Variants in ECT2L observed in about 807,000 individuals in gnomAD.
The protein encoded by ECT2L is epithelial cell transforming 2 like, also known as epithelial cell-transforming sequence 2 oncogene-like.
In ECT2L, 126 loss-of-function variants were observed where a neutral mutation model predicts 122.8. The observed-to-expected ratio is 1.03, with a 90% CI of 0.89 to 1.19. ECT2L has a LOEUF of 1.19. Ranked by LOEUF, ECT2L falls within the 50% of genes most tolerant of loss-of-function variation. The pLI is 0.00. For missense variants in ECT2L, 1,012 were observed against 1,064.1 expected (o/e 0.95, Z 0.68); for synonymous variants, 385 against 381.8 (o/e 1.01, Z -0.10).
chr6:138,811,597 G>T (rs796568005), intron 1 of ECT2L, among the ~76,000 whole-genome samples: 3 of 152,352 alleles, frequency 2.0e-5, no homozygotes, highest in African/African-American at 7.2e-5. Context: ...TGTAATCCCA[G>T]TGTTTAGGGA....
chr6:138,797,105 G>C (rs1361255233), intron 1 of ECT2L, among the ~76,000 whole-genome samples: 1 of 152,088 alleles, frequency 6.6e-6, no homozygotes, highest in East Asian at 1.9e-4. Context: ...AAGATCAATA[G>C]CCCAGGTTTC....
intron 20 of ECT2L, among the ~76,000 whole-genome samples, chr6:138,899,115 A>C (rs1779310428): frequency 6.6e-6 from 1 of 152,102 alleles, no homozygotes; most frequent in Admixed American, 6.6e-5. Context: ...TTTCTATGTA[A>C]GAAATCGTTT....
rs144757416 is a variant in ECT2L at position 138,845,433 on chromosome 6, A to G, written c.764+853A>G. Among the ~76,000 whole-genome samples the G allele has an allele frequency of 8.6e-3, 1,302 of 152,100 alleles. 22 individuals carry two copies. Among genetic ancestry groups the G allele is most frequent in the African/African-American group, 0.03 (1,235 of 41,502 alleles). On this transcript the variant is annotated intron_variant, in intron 7 of 21. Transcript: ENST00000541398. Reference sequence around the variant, plus strand: ...AATTTTTGTATTTTGTAGTAGAGACAGGGTTTCACCGTATTGGCCAGGCTG... The same window carrying G: ...AATTTTTGTATTTTGTAGTAGAGACGGGGTTTCACCGTATTGGCCAGGCTG...
At chr6:138,873,563 G>A (rs1778327363) in intron 13 of ECT2L, among the ~76,000 whole-genome samples, 1 of 152,354 alleles carries the variant, frequency 6.6e-6, no homozygotes, top group East Asian at 1.9e-4. Flanking sequence ...GGAGGCCGAG[G>A]TGGGTGGATC....
At chr6:138,820,714 T>A (rs1776240194) in intron 4 of ECT2L, among the ~76,000 whole-genome samples, 1 of 152,188 alleles carries the variant, frequency 6.6e-6, no homozygotes, top group African/African-American at 2.4e-5. Context: ...GCCTTCAGAC[T>A]CTCATGCATA....
Position 138,854,757 on chromosome 6 carries a change from T to C in ECT2L, c.1198+603T>C, listed in dbSNP as rs9376380. ...GGTGCTTTGTAAAGATGAGTATGGC[T>C]AATGATGACTGAGGTTGCTGATATC... On this transcript the variant is annotated intron_variant, in intron 10 of 21. Coordinates refer to ENST00000541398, the MANE Select transcript of ECT2L (RefSeq NM_001077706.3). 1.3e-4 allele frequency among the ~76,000 whole-genome samples: 20 copies of C among 152,360 alleles called. No homozygotes were observed. The East Asian group carries it at 3.7e-3, about 28-fold the overall frequency.
rs987625385 is a variant in ECT2L at position 138,849,386 on chromosome 6, A to G, written c.1021A>G (p.Ile341Val). 11 of 1,613,900 alleles carry G rather than the reference A, an allele frequency of 6.8e-6. No individual in the cohort carries two copies. The Admixed American group carries it at 1.0e-4, about 15-fold the overall frequency. ...KALDGQKAQSIGIFSDGDSRE... is the reference protein window; with the variant it reads ...KALDGQKAQSVGIFSDGDSRE... Reference sequence around the variant, plus strand: ...TCTGGATGGGCAGAAGGCACAGAGCATCGGAATATTTAGCGATGGAGACAG... The same window carrying G: ...TCTGGATGGGCAGAAGGCACAGAGCGTCGGAATATTTAGCGATGGAGACAG... Residue 341 changes from isoleucine (I) to valine (V), a missense_variant, in exon 9 of 22, where the codon ATC becomes GTC. Ile to Val is a conservative substitution (Grantham distance 29). Transcript: ENST00000541398.
intron 4 of ECT2L, among the ~76,000 whole-genome samples, chr6:138,815,994 C>T (rs1442337006): frequency 6.6e-6 from 1 of 152,222 alleles, no homozygotes; most frequent in Non-Finnish European, 1.5e-5. Context: ...AGGAGACAGG[C>T]ATCTTCCTGG....
At chr6:138,886,826 AG>A in intron 18 of ECT2L, 30 bp from the exon 19 acceptor site, 16 of 1,504,346 alleles carry the variant, frequency 1.1e-5, no homozygotes, top group Non-Finnish European at 1.5e-5. Context: ...TCACAATTTT[AG>A]TTTGCCTAAA....
At chr6:138,854,236 G>C in intron 10 of ECT2L, 82 bp downstream of exon 10, 11 of 1,424,848 alleles carry the variant, frequency 7.7e-6, no homozygotes, top group Non-Finnish European at 1.0e-5. Flanking sequence ...GTGCCCCTGG[G>C]TCAAATGATT....
chr6:138,807,636 T>A (rs1562450206), intron 1 of ECT2L, among the ~76,000 whole-genome samples: 1 of 152,226 alleles, frequency 6.6e-6, no homozygotes, highest in Non-Finnish European at 1.5e-5. Flanking sequence ...ATACCAATTT[T>A]TTTTGTTATT....
chr6:138,900,230 T>C (rs1282841178), intron 20 of ECT2L, among the ~76,000 whole-genome samples: 1 of 152,158 alleles, frequency 6.6e-6, no homozygotes, highest in Non-Finnish European at 1.5e-5. Flanking sequence ...ATTCTTGTGT[T>C]TCTCTCTACC....
intron 20 of ECT2L, among the ~76,000 whole-genome samples, chr6:138,892,794 G>A (rs1779076136): frequency 6.6e-6 from 1 of 152,158 alleles, no homozygotes; most frequent in Non-Finnish European, 1.5e-5. Context: ...TGCCCAGCCA[G>A]CACCGCTTAT....
intron 20 of ECT2L, among the ~76,000 whole-genome samples, chr6:138,893,408 T>C (rs573334468): frequency 1.7e-3 from 245 of 144,526 alleles, no homozygotes; most frequent in African/African-American, 5.9e-3. Flanking sequence ...TAAGAATATA[T>C]ATATATTTTT....
In ECT2L at chr6:138,851,219, C is replaced by T. The variant is rs371541005; in HGVS notation, c.1069+1785C>T. 1.4e-4 allele frequency among the ~76,000 whole-genome samples: 22 copies of T among 151,952 alleles called. 1 individual carries two copies. The highest frequency in any genetic ancestry group is 4.3e-4 in the African/African-American group (18 of 41,458). ...GGTTTTTTTCTTGGAGACAGAGCCT[C>T]GCTCTGTTTCCTAAGGTGAAATGCA... On this transcript the variant is annotated intron_variant, in intron 9 of 21. Coordinates refer to ENST00000541398, the MANE Select transcript of ECT2L (RefSeq NM_001077706.3).
intron 4 of ECT2L, among the ~76,000 whole-genome samples, chr6:138,832,429 A>T (rs1414849383): frequency 3.3e-5 from 5 of 152,128 alleles, no homozygotes; most frequent in Non-Finnish European, 7.4e-5. Context: ...GATGGTTCAC[A>T]TATGTATCTT....
At chr6:138,844,679 C>A in intron 7 of ECT2L, 99 bp downstream of exon 7, 1 of 1,139,624 alleles carries the variant, frequency 8.8e-7, no homozygotes, top group Non-Finnish European at 1.3e-6. Flanking sequence ...TTGTGTAATT[C>A]TGTGGCTCAT....
intron 4 of ECT2L, among the ~76,000 whole-genome samples, chr6:138,833,369 T>C (rs117520635): frequency 0.019 from 2,887 of 152,342 alleles, 38 homozygotes; most frequent in Non-Finnish European, 0.028. Context: ...ATCCTTTAGC[T>C]AAATCCTTAG....
intron 13 of ECT2L, among the ~76,000 whole-genome samples, chr6:138,868,542 C>T (rs1318765192): frequency 6.6e-6 from 1 of 150,620 alleles, no homozygotes; most frequent in Non-Finnish European, 1.5e-5. Context: ...CTTTACTCAA[C>T]AGAGAAACCA....
Sources: gnomAD v4.1 joint callset for allele counts (sites outside exome capture counted in the v4.1 genomes callset) on GRCh38, gnomAD v4.1.1 for gene constraint, MANE v1.5 for transcripts, NCBI Gene and HGNC (gene_info 2026-07-23, HGNC 2026-07-21) for gene names.